Variants in RYK observed in about 807,000 individuals in gnomAD.
The protein encoded by RYK is inactive tyrosine-protein kinase RYK.
Under a neutral mutation model 70.2 loss-of-function variants are expected in RYK, and 21 were observed. The observed-to-expected ratio is 0.30, with a 90% CI of 0.21 to 0.43. The LOEUF (loss-of-function observed/expected upper bound fraction) is 0.43. Among genes scored for constraint, RYK ranks in the 20% least tolerant of loss-of-function variants. The pLI, the probability that RYK is intolerant of heterozygous loss-of-function variation, is 1.00. For missense variants in RYK, 604 were observed against 753.3 expected, an observed-to-expected ratio of 0.80 and a Z score of 2.32; for synonymous variants, 267 against 278.0, an observed-to-expected ratio of 0.96 and a Z score of 0.39.
intron 13 of RYK, among the ~76,000 whole-genome samples, chr3:134,172,784 T>C (rs2012964072): frequency 6.6e-6 from 1 of 152,212 alleles, no homozygotes; most frequent in Non-Finnish European, 1.5e-5. Flanking sequence ...TCATCAGAGC[T>C]CTGGAAAAAC....
chr3:134,241,103 G>C lies in RYK; in HGVS notation c.232+9320C>G, dbSNP rs779554276. The stretch of plus-strand genomic sequence containing the variant: ...TGGGAAGCCCAGACAGGGTTGGTGG[G>C]GGAGGGAAATCACTTGAAGTCAGGA... On this transcript the variant is annotated intron_variant, in intron 1 of 14. Transcript: ENST00000623711. 2.9e-4 allele frequency among the ~76,000 whole-genome samples: 43 copies of C among 149,016 alleles called. 1 individual carries two copies. The South Asian group carries it at 4.1e-3, about 14-fold the overall frequency.
intron 1 of RYK, among the ~76,000 whole-genome samples, chr3:134,231,192 CCA>C (rs2015049353): frequency 7.1e-6 from 1 of 139,886 alleles, no homozygotes; most frequent in Non-Finnish European, 1.5e-5. Context: ...CCAGACAAGA[CCA>C]AAAAAAAAAA....
intron 1 of RYK, among the ~76,000 whole-genome samples, chr3:134,228,619 C>T (rs1251797437): frequency 6.6e-6 from 1 of 151,810 alleles, no homozygotes; most frequent in Non-Finnish European, 1.5e-5. Context: ...CATGACATCA[C>T]TCATATGTGG....
chr3:134,210,555 G>A (rs574710673), intron 3 of RYK, among the ~76,000 whole-genome samples: 1 of 152,270 alleles, frequency 6.6e-6, no homozygotes, highest in East Asian at 1.9e-4. Flanking sequence ...CTTAATGTAT[G>A]TCACTGATAA....
At chr3:134,173,099 T>C (rs775418140) in intron 13 of RYK, among the ~76,000 whole-genome samples, 1 of 152,180 alleles carries the variant, frequency 6.6e-6, no homozygotes, top group Non-Finnish European at 1.5e-5. Flanking sequence ...ATTTTGAAGA[T>C]ATATAAAATG....
Position 134,222,420 on chromosome 3 carries a change from T to C in RYK, c.352A>G (p.Lys118Glu), listed in dbSNP as rs1373486374. The C allele has an allele frequency of 3.1e-6, 5 of 1,612,736 alleles. No individual in the cohort carries two copies. Among genetic ancestry groups the C allele is most frequent in the Middle Eastern group, 1.9e-4 (1 of 5,338 alleles). ...FLHFTWHAKS[K>E]VEYKLGFQVD... ...TCTGTGGTTAGCCACTCTCTTACCTTGGACTTCGCATGCCAGGTGAAGTGC... is the reference window on the plus strand; with the variant it reads ...TCTGTGGTTAGCCACTCTCTTACCTCGGACTTCGCATGCCAGGTGAAGTGC... The change falls in exon 2 of 15, where the codon AAG becomes GAG. Residue 118 changes from lysine (K) to glutamate (E), a missense_variant and splice_region_variant. Lys to Glu is a moderately conservative substitution (Grantham distance 56, BLOSUM62 1). Coordinates refer to ENST00000623711, the MANE Select transcript of RYK (RefSeq NM_002958.4).
intron 7 of RYK, among the ~76,000 whole-genome samples, chr3:134,193,558 T>C (rs1229373534): frequency 6.6e-6 from 1 of 152,216 alleles, no homozygotes; most frequent in Non-Finnish European, 1.5e-5. Context: ...CGTATAACAA[T>C]TAAGAATCCA....
intron 9 of RYK, among the ~76,000 whole-genome samples, chr3:134,188,163 A>ATT (rs201166804): frequency 0.055 from 4,893 of 88,630 alleles, 180 homozygotes; most frequent in Non-Finnish European, 0.078. Flanking sequence ...ATATATATAT[A>ATT]TATATTTTTT....
rs1002943601 is a variant in RYK at position 134,158,065 on chromosome 3, C to T, written c.*88G>A. The T allele has an allele frequency of 3.3e-5, 18 of 549,506 alleles. No individual in the cohort carries two copies. Among genetic ancestry groups the T allele is most frequent in the Non-Finnish European group, 4.3e-5 (15 of 347,006 alleles). The allele number at this position is 549,506 out of a possible 1,614,324, so 34.0% of individuals were successfully genotyped here. On this transcript the variant is annotated 3_prime_UTR_variant, in exon 15 of 15. Coordinates refer to ENST00000623711, the MANE Select transcript of RYK (RefSeq NM_002958.4). ...TGGAAGACAAATGTGCTTCTGTTGG[C>T]GTTGTGTTAGATACAAAGCATCCCT...
At chr3:134,213,853 G>A (rs549262224) in intron 2 of RYK, among the ~76,000 whole-genome samples, 24 of 152,216 alleles carry the variant, frequency 1.6e-4, no homozygotes, top group Admixed American at 4.6e-4. Context: ...ACCCAGGCTG[G>A]AGTGCAGTGG....
At chr3:134,209,266 A>G (rs2014316679) in intron 4 of RYK, among the ~76,000 whole-genome samples, 2 of 152,234 alleles carry the variant, frequency 1.3e-5, no homozygotes, top group Non-Finnish European at 2.9e-5. Flanking sequence ...AGAGAGGTTA[A>G]GTAACTTGTA....
Position 134,241,226 on chromosome 3 carries a change from G to A in RYK, c.232+9197C>T, listed in dbSNP as rs563936480. Among the ~76,000 whole-genome samples the A allele has an allele frequency of 3.3e-5, 5 of 150,738 alleles. No homozygotes were observed. In the East Asian group the frequency reaches 5.9e-4, roughly 18 times the overall value. On this transcript the variant is annotated intron_variant, in intron 1 of 14. Transcript: ENST00000623711. ...TAGCCACGCGTGGTGGTGCACGCCT[G>A]TAGTCCCAAGCTACTCAGGAGCCTT...
At chr3:134,164,202 C>T (rs941030338) in intron 13 of RYK, among the ~76,000 whole-genome samples, 7 of 152,108 alleles carry the variant, frequency 4.6e-5, no homozygotes, top group African/African-American at 1.2e-4. Context: ...AGCAAGTAGT[C>T]CTAGATTTGT....
intron 1 of RYK, among the ~76,000 whole-genome samples, chr3:134,247,279 A>C (rs935721033): frequency 6.6e-6 from 1 of 152,252 alleles, no homozygotes; most frequent in Non-Finnish European, 1.5e-5. Flanking sequence ...CTTATTCTAC[A>C]TTGATTTAGA....
At chr3:134,163,754 T>C (rs549261819) in intron 13 of RYK, among the ~76,000 whole-genome samples, 14 of 152,360 alleles carry the variant, frequency 9.2e-5, no homozygotes, top group Non-Finnish European at 1.6e-4. Flanking sequence ...AATTATCTTA[T>C]CTGACCACAG....
chr3:134,250,319 G>A (rs1453593332), intron 1 of RYK, 104 bp downstream of exon 1: 2 of 520,302 alleles, frequency 3.8e-6, no homozygotes, highest in Non-Finnish European at 5.8e-6. Flanking sequence ...GGGGCGGGGA[G>A]GGTACTCGCC....
At chr3:134,182,319 A>G (rs1293299619) in intron 10 of RYK, among the ~76,000 whole-genome samples, 1 of 152,218 alleles carries the variant, frequency 6.6e-6, no homozygotes, top group Non-Finnish European at 1.5e-5. Context: ...TACAGTTGCC[A>G]ATATCAAAAG....
At chr3:134,236,179 C>G (rs755757695) in intron 1 of RYK, among the ~76,000 whole-genome samples, 2 of 151,820 alleles carry the variant, frequency 1.3e-5, no homozygotes, top group Non-Finnish European at 2.9e-5. Context: ...CTCCAACAAT[C>G]CTAATGAGTC....
intron 10 of RYK, among the ~76,000 whole-genome samples, chr3:134,181,864 C>T (rs532674842): frequency 1.3e-5 from 2 of 152,226 alleles, no homozygotes; most frequent in African/African-American, 4.8e-5. Context: ...CAATACCAAG[C>T]TTTTAAAAAA....
Sources: allele counts gnomAD v4.1 joint callset (sites outside exome capture counted in the v4.1 genomes callset), GRCh38; gene constraint gnomAD v4.1.1; transcripts MANE v1.5; gene names NCBI Gene and HGNC (gene_info 2026-07-23, HGNC 2026-07-21).